TRABD2B: variants seen among roughly 807,000 people sequenced by gnomAD.
TRABD2B encodes TraB domain containing 2B, also known as metalloprotease TIKI2.
Under a neutral mutation model 40.1 loss-of-function variants are expected in TRABD2B, and 14 were observed. The ratio of observed to expected loss-of-function variants is 0.35; its 90% CI spans 0.23 to 0.55. The LOEUF (loss-of-function observed/expected upper bound fraction) is 0.55. Ranked by LOEUF, TRABD2B falls within the 20% of genes least tolerant of loss-of-function variation. TRABD2B has a pLI of 0.90. For missense variants in TRABD2B, 541 were observed against 648.6 expected (o/e 0.83, Z 1.80); for synonymous variants, 263 against 277.0 (o/e 0.95, Z 0.50).
intron 2 of TRABD2B, among the ~76,000 whole-genome samples, chr1:47,981,754 T>C (rs1224733341): frequency 2.0e-5 from 3 of 152,204 alleles, no homozygotes; most frequent in Non-Finnish European, 4.4e-5. Context: ...GAATTTCACT[T>C]TGGGAGAAAA....
intron 6 of TRABD2B, among the ~76,000 whole-genome samples, chr1:47,772,956 C>G (rs903362062): frequency 1.3e-5 from 2 of 152,218 alleles, no homozygotes; most frequent in Non-Finnish European, 2.9e-5. Flanking sequence ...CCCTTCTTGC[C>G]AAAGAAAAGC....
intron 2 of TRABD2B, among the ~76,000 whole-genome samples, chr1:47,833,523 C>T (rs1009898766): frequency 6.6e-6 from 1 of 152,356 alleles, no homozygotes; most frequent in East Asian, 1.9e-4. Context: ...ACAGAAGATG[C>T]TGGGATGGGT....
intron 2 of TRABD2B, among the ~76,000 whole-genome samples, chr1:47,840,637 C>G (rs1570097833): frequency 6.6e-6 from 1 of 152,164 alleles, no homozygotes. Context: ...ATTACATAAT[C>G]CATAAATATA....
chr1:47,970,533 C>T (rs59592397), intron 2 of TRABD2B, among the ~76,000 whole-genome samples: 6,667 of 152,282 alleles, frequency 0.044, 484 homozygotes, highest in African/African-American at 0.15. Context: ...ACATAATTTA[C>T]GGTCCTGCCC....
intron 4 of TRABD2B, among the ~76,000 whole-genome samples, chr1:47,780,529 CG>C (rs1644506570): frequency 1.3e-5 from 2 of 152,004 alleles, no homozygotes; most frequent in African/African-American, 4.8e-5. Context: ...TCCTGTAATC[CG>C]GGCACTAAGT....
Position 47,799,788 on chromosome 1 carries a change from T to C in TRABD2B, c.813+1685A>G, listed in dbSNP as rs564641588. ...CCAACTCAGGTTCTTCCATGCCCTCTCATCTTGCAAAAATCTTTCCTTCTC... is the reference window on the plus strand; with the variant it reads ...CCAACTCAGGTTCTTCCATGCCCTCCCATCTTGCAAAAATCTTTCCTTCTC... On this transcript the variant is annotated intron_variant, in intron 3 of 6. Transcript: ENST00000606738. 3.3e-5 allele frequency among the ~76,000 whole-genome samples: 5 copies of C among 152,216 alleles called. No individual in the cohort carries two copies. In the East Asian group the frequency reaches 7.8e-4, roughly 24 times the overall value.
intron 2 of TRABD2B, among the ~76,000 whole-genome samples, chr1:47,850,324 TC>T (rs1007878951): frequency 1.3e-5 from 2 of 152,198 alleles, no homozygotes; most frequent in African/African-American, 4.8e-5. Context: ...GAGTAGGCTG[TC>T]CCAGGCAGAG....
chr1:47,846,840 T>G, intron 2 of TRABD2B, among the ~76,000 whole-genome samples: 1 of 102,434 alleles, frequency 9.8e-6, no homozygotes, highest in South Asian at 3.0e-4. Context: ...GCAGGCCAGG[T>G]TAAGTTAAAA....
At chr1:47,945,511 T>C (rs903606693) in intron 2 of TRABD2B, among the ~76,000 whole-genome samples, 1 of 152,228 alleles carries the variant, frequency 6.6e-6, no homozygotes, top group Non-Finnish European at 1.5e-5. Flanking sequence ...TACAGTCATG[T>C]AACCACCCAA....
chr1:47,823,924 C>G (rs1398735799), intron 2 of TRABD2B, among the ~76,000 whole-genome samples: 1 of 152,192 alleles, frequency 6.6e-6, no homozygotes, highest in Non-Finnish European at 1.5e-5. Context: ...TGGGGCCTGC[C>G]TGCAATGGCT....
intron 2 of TRABD2B, among the ~76,000 whole-genome samples, chr1:47,861,916 CAACCAAGTGGG>C (rs1643979222): frequency 1.3e-5 from 2 of 152,168 alleles, no homozygotes; most frequent in Non-Finnish European, 2.9e-5. Context: ...TTACATACCA[CAACCAAGTGGG>C]ATTTATCTCA....
At chr1:47,815,798 GAGATAGATAGATAGATAGAT>G (rs6143214) in intron 2 of TRABD2B, among the ~76,000 whole-genome samples, 26,631 of 148,960 alleles carry the variant, frequency 0.18, 2,755 homozygotes, top group South Asian at 0.39. Context: ...GATGGTGACA[GAGATAGATAGATAGATAGAT>G]AGATAGATAG....
At chr1:47,942,919 T>C (rs920765166) in intron 2 of TRABD2B, among the ~76,000 whole-genome samples, 4 of 152,226 alleles carry the variant, frequency 2.6e-5, no homozygotes, top group African/African-American at 7.2e-5. Flanking sequence ...ATTTACTGAT[T>C]CGTCATTTCT....
chr1:47,821,833 C>A (rs1024202727), intron 2 of TRABD2B, among the ~76,000 whole-genome samples: 8 of 152,150 alleles, frequency 5.3e-5, no homozygotes. Context: ...GTACACCCTT[C>A]AGGCTGTCAT....
chr1:47,934,940 G>A (rs1170997986), intron 2 of TRABD2B, among the ~76,000 whole-genome samples: 1 of 152,180 alleles, frequency 6.6e-6, no homozygotes, highest in Non-Finnish European at 1.5e-5. Flanking sequence ...AGGTGATACA[G>A]TCACAGTGAA....
At chr1:47,784,881 T>A (rs1446511613) in intron 4 of TRABD2B, among the ~76,000 whole-genome samples, 9 of 151,972 alleles carry the variant, frequency 5.9e-5, no homozygotes, top group Non-Finnish European at 1.3e-4. Context: ...TGACACACAG[T>A]CCCCTCCCCT....
intron 2 of TRABD2B, among the ~76,000 whole-genome samples, chr1:47,812,741 A>G (rs1384782648): frequency 2.0e-5 from 3 of 152,170 alleles, no homozygotes; most frequent in Non-Finnish European, 4.4e-5. Flanking sequence ...AAAGAAAGAA[A>G]GAAAAAGAAA....
intron 6 of TRABD2B, among the ~76,000 whole-genome samples, chr1:47,770,462 T>G (rs1644363862): frequency 6.6e-6 from 1 of 152,274 alleles, no homozygotes; most frequent in Admixed American, 6.5e-5. Context: ...GGGCCATGAC[T>G]GATCAATTCC....
intron 2 of TRABD2B, among the ~76,000 whole-genome samples, chr1:47,964,333 C>T (rs927138074): frequency 2.3e-4 from 35 of 152,144 alleles, no homozygotes; most frequent in Non-Finnish European, 7.3e-5. Flanking sequence ...TTGTCCAACC[C>T]GCAGTTTTAG....
Sources: gnomAD v4.1 joint callset for allele counts (sites outside exome capture counted in the v4.1 genomes callset) on GRCh38, gnomAD v4.1.1 for gene constraint, MANE v1.5 for transcripts, NCBI Gene and HGNC (gene_info 2026-07-23, HGNC 2026-07-21) for gene names.